Variants in NOS2 observed in about 807,000 individuals in gnomAD.
NOS2 encodes nitric oxide synthase, inducible.
NOS2 carries 96 observed loss-of-function variants against 136.0 expected under a neutral mutation model. The ratio of observed to expected loss-of-function variants is 0.71; its 90% CI spans 0.60 to 0.84. The LOEUF (loss-of-function observed/expected upper bound fraction) is 0.84, where lower values mean the gene tolerates loss of function less well. NOS2 is among the 40% of genes least tolerant of loss of function. NOS2 has a pLI of 0.00. For missense variants in NOS2, 1,237 were observed against 1,496.9 expected (o/e 0.83, Z 2.87); for synonymous variants, 539 against 587.5 (o/e 0.92, Z 1.20).
At chr17:27,790,397 G>C (rs535916056) in intron 2 of NOS2, among the ~76,000 whole-genome samples, 72 of 152,274 alleles carry the variant, frequency 4.7e-4, no homozygotes, top group African/African-American at 1.5e-3. Context: ...CCCAGCCCCA[G>C]CCACTTGTTT....
chr17:27,767,439 A>C (rs1597546499), intron 18 of NOS2, among the ~76,000 whole-genome samples: 1 of 152,260 alleles, frequency 6.6e-6, no homozygotes, highest in African/African-American at 2.4e-5. Context: ...CATGTGGGCC[A>C]GGAGCCCCGC....
chr17:27,788,923 T>C lies in NOS2; in HGVS notation c.204A>G (p.Pro68=), dbSNP rs16966563. 0.031 allele frequency: 49,965 copies of C among 1,613,798 alleles called. 1,993 individuals carry two copies. The highest frequency in any genetic ancestry group is 0.19 in the African/African-American group (14,278 of 74,980). The change falls in exon 4 of 27, where the codon CCA becomes CCG. Residue 68 remains proline (P), a synonymous_variant. Coordinates refer to ENST00000313735, the MANE Select transcript of NOS2 (RefSeq NM_000625.4). ...QPLVETGKKS[P]ESLVKLDATP... ...TTGCATCCAGCTTGACCAGAGATTC[T>C]GGAGACTTCTGCAAGGGGAAAAAAC...
intron 6 of NOS2, 107 bp from the exon 7 acceptor site, chr17:27,782,213 C>T (rs2142518248): frequency 5.6e-6 from 5 of 885,422 alleles, no homozygotes; most frequent in Middle Eastern, 2.1e-4. Flanking sequence ...ACACTCAACA[C>T]ACAAACACTC....
chr17:27,767,826 C>T lies in NOS2; in HGVS notation c.2046G>A (p.Glu682=), dbSNP rs770773571. ...GCTGTTTGCCTCGGACATCAAACGT[C>T]TCACAGGCTGCCTGGAAGAAGGTGG... is the stretch of plus-strand genomic sequence containing the variant. ...WAVQTFKAAC[E]TFDVRGKQHI... Residue 682 remains glutamate (E), a synonymous_variant, in exon 18 of 27, where the codon GAG becomes GAA. Transcript: ENST00000313735. 6.2e-6 allele frequency: 10 copies of T among 1,611,678 alleles called. No individual in the cohort carries two copies. The highest frequency in any genetic ancestry group is 1.1e-5 in the South Asian group (1 of 91,000).
chr17:27,783,519 T>C (rs556432947), intron 5 of NOS2, among the ~76,000 whole-genome samples: 8 of 152,248 alleles, frequency 5.3e-5, no homozygotes, highest in African/African-American at 1.9e-4. Flanking sequence ...CATAGCAATG[T>C]CCTGCCTCTC....
At chr17:27,798,046 A>C (rs28998801) in intron 2 of NOS2, among the ~76,000 whole-genome samples, 3 of 152,130 alleles carry the variant, frequency 2.0e-5, no homozygotes, top group Admixed American at 2.0e-4. Flanking sequence ...TACTCAGTAG[A>C]TGGTGATGAA....
At chr17:27,757,388 C>A in intron 26 of NOS2, 35 bp from the exon 27 acceptor site, 6 of 1,599,562 alleles carry the variant, frequency 3.8e-6, no homozygotes, top group Non-Finnish European at 5.1e-6. Flanking sequence ...CGTGTCAAGT[C>A]CAGGCTGGGA....
chr17:27,785,212 T>G (rs980949831), intron 5 of NOS2, among the ~76,000 whole-genome samples: 3 of 152,072 alleles, frequency 2.0e-5, no homozygotes, highest in African/African-American at 7.3e-5. Context: ...GTCTGTAAGA[T>G]GAGGATAACA....
intron 6 of NOS2, 25 bp downstream of exon 6, chr17:27,782,919 C>T: frequency 6.2e-7 from 1 of 1,612,110 alleles, no homozygotes; most frequent in Middle Eastern, 1.8e-4. Context: ...CCAGCTCTCT[C>T]CCGCTCAAGT....
intron 1 of NOS2, among the ~76,000 whole-genome samples, chr17:27,799,990 G>T (rs1909481379): frequency 6.6e-6 from 1 of 152,000 alleles, no homozygotes; most frequent in Non-Finnish European, 1.5e-5. Flanking sequence ...CCATAAAATG[G>T]GTTTAATATA....
At chr17:27,780,496 A>T (rs1908806992) in intron 9 of NOS2, among the ~76,000 whole-genome samples, 2 of 152,152 alleles carry the variant, frequency 1.3e-5, no homozygotes, top group Admixed American at 6.5e-5. Flanking sequence ...TCCTGCAGTC[A>T]CTGCTTCTCA....
chr17:27,776,402 G>C (rs1448531276), intron 11 of NOS2, among the ~76,000 whole-genome samples: 26 of 152,298 alleles, frequency 1.7e-4, no homozygotes, highest in Admixed American at 1.4e-3. Flanking sequence ...GATGGGTGCA[G>C]TGGCTCACAC....
rs200388268 is a variant in NOS2, at chr17:27,769,179, T to C, written c.1860-28A>G. ...GCCCGAGGACACACACAGAGACACA[T>C]GTCCCATGCAAGCAGCACCTGGCAC... On this transcript the variant is annotated intron_variant, in intron 16 of 26. Coordinates refer to ENST00000313735, the MANE Select transcript of NOS2 (RefSeq NM_000625.4). 5.1e-6 allele frequency: 8 copies of C among 1,582,324 alleles called. No individual in the cohort carries two copies. The African/African-American group carries it at 9.4e-5, about 19-fold the overall frequency.
intron 19 of NOS2, 23 bp downstream of exon 19, chr17:27,766,487 C>A (rs28944174): frequency 6.3e-7 from 1 of 1,594,426 alleles, no homozygotes; most frequent in Non-Finnish European, 8.6e-7. Flanking sequence ...GTATCACCCA[C>A]GAAGCCCTGC....
At chr17:27,791,706 TA>T (rs1282786178) in intron 2 of NOS2, among the ~76,000 whole-genome samples, 1 of 150,776 alleles carries the variant, frequency 6.6e-6, no homozygotes, top group Non-Finnish European at 1.5e-5. Context: ...TACTGTTCTT[TA>T]ACAAGTATCA....
At chr17:27,781,220 TG>T in intron 7 of NOS2, 43 bp from the exon 8 acceptor site, 2 of 1,570,784 alleles carry the variant, frequency 1.3e-6, no homozygotes, top group Non-Finnish European at 8.6e-7. Flanking sequence ...CTAGCCCTGG[TG>T]GGGGCCCAGC....
chr17:27,758,730 C>T (rs1908010540), intron 26 of NOS2, 151 bp downstream of exon 26: 2 of 535,510 alleles, frequency 3.7e-6, no homozygotes, highest in African/African-American at 2.0e-5. Flanking sequence ...GACAGCCCAC[C>T]CAGCTCAGAT....
intron 25 of NOS2, 50 bp from the exon 26 acceptor site, chr17:27,759,125 G>T: frequency 7.2e-7 from 1 of 1,387,716 alleles, no homozygotes; most frequent in African/African-American, 1.5e-5. Flanking sequence ...TCAGGACAAG[G>T]CTTGCAGGCA....
rs28998832 is a variant in NOS2, at chr17:27,789,035, G to T, written c.196-104C>A. ...ATCTATGGGTGGCCACACAGGGCAG[G>T]GTGTCCCTCCACGTCCCTCCTCTGT... On this transcript the variant is annotated intron_variant, in intron 3 of 26. Transcript: ENST00000313735. 1.3e-3 allele frequency: 1,936 copies of T among 1,445,552 alleles called. 20 individuals carry two copies. In the African/African-American group the frequency reaches 0.025, roughly 18 times the overall value. The allele number at this position is 1,445,552 out of a possible 1,614,324, so 89.5% of individuals were successfully genotyped here.
Sources: gnomAD v4.1 joint callset for allele counts (sites outside exome capture counted in the v4.1 genomes callset) on GRCh38, gnomAD v4.1.1 for gene constraint, MANE v1.5 for transcripts, NCBI Gene and HGNC (gene_info 2026-07-23, HGNC 2026-07-21) for gene names.